Variants in KLKB1 observed in about 807,000 individuals in gnomAD.
The protein encoded by KLKB1 is kallikrein B1, also known as plasma kallikrein.
Under a neutral mutation model 73.6 loss-of-function variants are expected in KLKB1, and 58 were observed. The observed-to-expected ratio is 0.79, with a 90% CI of 0.64 to 0.98. The LOEUF is 0.98. KLKB1 is among the 50% of genes least tolerant of loss of function. The probability of loss-of-function intolerance (pLI) is 0.00; values close to 1 mark genes in which losing one functional copy is unlikely to be tolerated. For synonymous variants in KLKB1, 280 were observed against 258.1 expected, an observed-to-expected ratio of 1.08 and a Z score of -0.81; for missense variants, 737 against 763.8, an observed-to-expected ratio of 0.96 and a Z score of 0.41.
chr4:186,244,397 T>C (rs181529936), intron 6 of KLKB1, among the ~76,000 whole-genome samples: 6 of 152,274 alleles, frequency 3.9e-5, no homozygotes, highest in African/African-American at 1.4e-4. Flanking sequence ...ACATGTGTTT[T>C]CATGAAGAAT....
intron 13 of KLKB1, among the ~76,000 whole-genome samples, chr4:186,256,968 TCTCC>T: frequency 7.1e-6 from 1 of 139,952 alleles, no homozygotes; most frequent in Non-Finnish European, 1.5e-5. Context: ...GTGCCGTCTC[TCTCC>T]CTCTTCCTCT....
At chr4:186,225,734 G>A (rs754505289), upstream of KLKB1, among the ~76,000 whole-genome samples, 41 of 152,058 alleles carry the variant, frequency 2.7e-4, no homozygotes, top group Middle Eastern at 0.01. Context: ...GCACCTGGCC[G>A]AGGATCTCTT....
At chr4:186,247,274 T>G (rs1020510374) in intron 6 of KLKB1, among the ~76,000 whole-genome samples, 2 of 152,126 alleles carry the variant, frequency 1.3e-5, no homozygotes, top group Non-Finnish European at 2.9e-5. Flanking sequence ...GCAAGAAAGC[T>G]TTTTAATCAC....
intron 6 of KLKB1, among the ~76,000 whole-genome samples, chr4:186,249,743 C>T (rs769582589): frequency 6.6e-6 from 1 of 151,940 alleles, no homozygotes; most frequent in Non-Finnish European, 1.5e-5. Flanking sequence ...ACTACATAAA[C>T]GATATGTACA....
intron 6 of KLKB1, among the ~76,000 whole-genome samples, chr4:186,244,452 T>G (rs1352070598): frequency 1.3e-5 from 2 of 152,150 alleles, no homozygotes; most frequent in African/African-American, 2.4e-5. Flanking sequence ...TGGGCTTGAC[T>G]GAAGTAATGG....
chr4:186,221,912 T>C (rs1234010585), upstream of KLKB1, among the ~76,000 whole-genome samples: 1 of 152,214 alleles, frequency 6.6e-6, no homozygotes, highest in Non-Finnish European at 1.5e-5. Context: ...TTAGTTATGT[T>C]AATATTTGCT....
At chr4:186,221,207 C>T (rs1425946204) in intron 2 of KLKB1, among the ~76,000 whole-genome samples, 1 of 151,722 alleles carries the variant, frequency 6.6e-6, no homozygotes, top group Non-Finnish European at 1.5e-5. Context: ...CCTAATTAGG[C>T]TAAAGATTTC....
At chr4:186,254,996 G>A (rs1386575388) in intron 12 of KLKB1, among the ~76,000 whole-genome samples, 2 of 152,220 alleles carry the variant, frequency 1.3e-5, no homozygotes, top group Non-Finnish European at 2.9e-5. Context: ...ACAACTGCAT[G>A]CAGGTGATGG....
chr4:186,256,402 C>T (rs758705880), intron 13 of KLKB1, among the ~76,000 whole-genome samples: 22 of 152,168 alleles, frequency 1.4e-4, no homozygotes, highest in Non-Finnish European at 2.6e-4. Flanking sequence ...GTGTTAGTAG[C>T]GTTCCCGTCT....
Position 186,258,079 on chromosome 4 carries a change from T to C in KLKB1, c.1784T>C (p.Ile595Thr), listed in dbSNP as rs772310512. ...AATGGAATGTGGCGTTTGGTGGGCA[T>C]CACCAGCTGGGGTGAAGGCTGTGCC... Reference protein sequence around the residue: ...KHNGMWRLVGITSWGEGCARR... With the variant: ...KHNGMWRLVGTTSWGEGCARR... The change falls in exon 15 of 15, where the codon ATC (isoleucine) becomes ACC (threonine). Residue 595 changes from isoleucine (I) to threonine (T), a missense_variant. By Grantham distance (89) the Ile-to-Thr change is moderately conservative. Transcript: ENST00000264690. 6.2e-7 allele frequency: 1 copy of C among 1,614,116 alleles called. No individual in the cohort carries two copies. The highest frequency in any genetic ancestry group is 1.1e-5 in the South Asian group (1 of 91,080).
chr4:186,237,353 T>A (rs1228857635), intron 5 of KLKB1, among the ~76,000 whole-genome samples: 1 of 152,152 alleles, frequency 6.6e-6, no homozygotes, highest in East Asian at 1.9e-4. Flanking sequence ...CACCTCAGCC[T>A]CCCAAAGCGC....
chr4:186,256,635 A>C (rs1739005086), intron 13 of KLKB1, among the ~76,000 whole-genome samples: 1 of 152,216 alleles, frequency 6.6e-6, no homozygotes, highest in Non-Finnish European at 1.5e-5. Context: ...TCACTAAGCC[A>C]TGAAAGCTCC....
intron 6 of KLKB1, among the ~76,000 whole-genome samples, chr4:186,240,648 A>G (rs1737984397): frequency 6.6e-6 from 1 of 152,090 alleles, no homozygotes; most frequent in African/African-American, 2.4e-5. Flanking sequence ...CTGGCCCTGT[A>G]TTGGGTGCTG....
At chr4:186,218,471 G>A (rs1477932634) in intron 2 of KLKB1, among the ~76,000 whole-genome samples, 1 of 151,946 alleles carries the variant, frequency 6.6e-6, no homozygotes, top group Non-Finnish European at 1.5e-5. Flanking sequence ...ATGAAATTAG[G>A]GTCCTTTTGA....
intron 6 of KLKB1, among the ~76,000 whole-genome samples, chr4:186,247,870 A>G (rs1257542675): frequency 1.3e-5 from 2 of 152,116 alleles, no homozygotes; most frequent in East Asian, 3.9e-4. Flanking sequence ...AAAGTGTACA[A>G]CTCCGTGGTT....
chr4:186,255,962 C>T, intron 12 of KLKB1, 30 bp from the exon 13 acceptor site: 1 of 1,380,786 alleles, frequency 7.2e-7, no homozygotes, highest in Non-Finnish European at 1.0e-6. Context: ...CTTTATTTGA[C>T]CAAACTCTAA....
At chr4:186,214,200 G>A (rs921068655) in intron 2 of KLKB1, among the ~76,000 whole-genome samples, 10 of 152,198 alleles carry the variant, frequency 6.6e-5, no homozygotes, top group African/African-American at 2.4e-4. Flanking sequence ...ATGAGAAGAA[G>A]CAGGCAGAAG....
At chr4:186,223,175 C>T (rs1180497366), upstream of KLKB1, among the ~76,000 whole-genome samples, 1 of 152,152 alleles carries the variant, frequency 6.6e-6, no homozygotes, top group East Asian at 1.9e-4. Flanking sequence ...ATTTAGACCT[C>T]TTTTGTTTAT....
chr4:186,250,414 T>A lies in KLKB1; in HGVS notation c.758+12T>A, dbSNP rs373935277. 3 of 1,613,526 alleles carry A rather than the reference T, an allele frequency of 1.9e-6. No individual in the cohort carries two copies. The highest frequency in any genetic ancestry group is 2.5e-6 in the Non-Finnish European group (3 of 1,179,534). On this transcript the variant is annotated intron_variant, in intron 7 of 14. Coordinates refer to ENST00000264690, the MANE Select transcript of KLKB1 (RefSeq NM_000892.5). ...ATCGAGTCACAAAGGCGAGTATGCA[T>A]GGAAAATCGCATCACAAAGGCGAGT...
Sources: allele counts gnomAD v4.1 joint callset (sites outside exome capture counted in the v4.1 genomes callset), GRCh38; gene constraint gnomAD v4.1.1; transcripts MANE v1.5; gene names NCBI Gene and HGNC (gene_info 2026-07-23, HGNC 2026-07-21).